CTNNA3: variants seen among roughly 807,000 people sequenced by gnomAD.
The protein encoded by CTNNA3 is catenin alpha 3.
In CTNNA3, 76 loss-of-function variants were observed where a neutral mutation model predicts 95.7. The observed-to-expected ratio is 0.79, with a 90% confidence interval of 0.66 to 0.96. The LOEUF is 0.96. CTNNA3 is among the 40% of genes least tolerant of loss of function. CTNNA3 has a pLI of 0.00. For synonymous variants in CTNNA3, 431 were observed against 374.4 expected (o/e 1.15, Z -1.74); for missense variants, 1,191 against 1,089.8 (o/e 1.09, Z -1.31).
rs1029573129 is a variant in CTNNA3, at chr10:67,716,404, T to A, written c.-2+47030A>T. On this transcript the variant is annotated intron_variant, in intron 1 of 17. Transcript: ENST00000684154. ...TTGTTACATAGGTATATACGTGCCA[T>A]GGTGGTTTGCTGTACCCACCAACCC... Among the ~76,000 whole-genome samples, 7 of 152,140 alleles carry A rather than the reference T, an allele frequency of 4.6e-5. No homozygotes were observed. In the East Asian group the frequency reaches 1.3e-3, roughly 29 times the overall value.
intron 7 of CTNNA3, among the ~76,000 whole-genome samples, chr10:66,916,877 G>A (rs1309117089): frequency 6.6e-6 from 1 of 152,080 alleles, no homozygotes; most frequent in Non-Finnish European, 1.5e-5. Flanking sequence ...CTTTTTAATG[G>A]TGGCCAATGA....
chr10:67,191,856 T>G (rs576170217), intron 6 of CTNNA3, among the ~76,000 whole-genome samples: 80 of 151,976 alleles, frequency 5.3e-4, no homozygotes, highest in Middle Eastern at 6.8e-3. Flanking sequence ...TACAAAGCTA[T>G]AGCAATCAAA....
At chr10:67,207,362 T>A (rs73264204) in intron 6 of CTNNA3, among the ~76,000 whole-genome samples, 7,349 of 152,288 alleles carry the variant, frequency 0.048, 222 homozygotes, top group South Asian at 0.11. Flanking sequence ...CTTAGGTATC[T>A]TATGCACTGT....
intron 11 of CTNNA3, among the ~76,000 whole-genome samples, chr10:66,380,869 C>G (rs7093298): frequency 0.17 from 25,524 of 151,330 alleles, 2,532 homozygotes; most frequent in African/African-American, 0.26. Context: ...TAAATATATA[C>G]GCACCCAATA....
chr10:65,967,966 C>T (rs1017940463), intron 16 of CTNNA3, among the ~76,000 whole-genome samples: 101 of 151,924 alleles, frequency 6.6e-4, no homozygotes, highest in African/African-American at 2.4e-3. Context: ...GAATGAATAT[C>T]AATATAATGT....
intron 9 of CTNNA3, among the ~76,000 whole-genome samples, chr10:66,731,884 C>A (rs780304460): frequency 6.6e-6 from 1 of 152,132 alleles, no homozygotes; most frequent in Non-Finnish European, 1.5e-5. Context: ...TCTGAGCTTT[C>A]CTGCCTGGCT....
At chr10:67,693,654 T>C (rs1840911552) in intron 1 of CTNNA3, among the ~76,000 whole-genome samples, 1 of 152,224 alleles carries the variant, frequency 6.6e-6, no homozygotes, top group Admixed American at 6.5e-5. Flanking sequence ...AGGAAGAATA[T>C]ATTATTTGAT....
chr10:66,460,571 A>T (rs1433077755), intron 11 of CTNNA3, among the ~76,000 whole-genome samples: 1 of 151,972 alleles, frequency 6.6e-6, no homozygotes, highest in Non-Finnish European at 1.5e-5. Context: ...TAGCATGCAC[A>T]TCCCTGCAAG....
At chr10:67,600,413 G>A (rs1843050786) in intron 3 of CTNNA3, among the ~76,000 whole-genome samples, 1 of 151,816 alleles carries the variant, frequency 6.6e-6, no homozygotes, top group Admixed American at 6.6e-5. Context: ...ATTAAAAAAT[G>A]GTTAATATTA....
rs564135270 is a variant in CTNNA3 at position 66,575,130 on chromosome 10, G to A, written c.1374+46562C>T. Among the ~76,000 whole-genome samples the A allele has an allele frequency of 5.9e-5, 9 of 152,208 alleles. 1 individual carries two copies. Among genetic ancestry groups the A allele is most frequent in the East Asian group, 5.8e-4 (3 of 5,180 alleles). ...GAATTTGACTGTAAACCCATGCACCGTCCTAGCCAGTATCTCTTTTCTCCG... is the reference window on the plus strand; with the variant it reads ...GAATTTGACTGTAAACCCATGCACCATCCTAGCCAGTATCTCTTTTCTCCG... On this transcript the variant is annotated intron_variant, in intron 10 of 17. Coordinates refer to ENST00000433211, the MANE Select transcript of CTNNA3 (RefSeq NM_013266.4).
intron 13 of CTNNA3, among the ~76,000 whole-genome samples, chr10:66,280,122 C>CT (rs2091467370): frequency 6.6e-6 from 1 of 151,890 alleles, no homozygotes; most frequent in Non-Finnish European, 1.5e-5. Context: ...AGATTCTTTC[C>CT]TTTTTGTTCA....
At chr10:66,980,782 A>G (rs548735809) in intron 7 of CTNNA3, among the ~76,000 whole-genome samples, 1 of 152,206 alleles carries the variant, frequency 6.6e-6, no homozygotes, top group African/African-American at 2.4e-5. Flanking sequence ...CTTCATGTAC[A>G]AGAGTGTTCA....
intron 7 of CTNNA3, among the ~76,000 whole-genome samples, chr10:66,936,198 G>T (rs781509724): frequency 8.5e-5 from 13 of 152,102 alleles, no homozygotes; most frequent in African/African-American, 2.7e-4. Context: ...ACACACAGAT[G>T]TGTGGAGTCT....
At chr10:67,220,529 C>G (rs1864605849) in intron 5 of CTNNA3, among the ~76,000 whole-genome samples, 1 of 151,874 alleles carries the variant, frequency 6.6e-6, no homozygotes, top group Non-Finnish European at 1.5e-5. Flanking sequence ...ACTAGATGAA[C>G]AAATATACGA....
At chr10:67,671,097 G>T (rs1217669522) in intron 1 of CTNNA3, among the ~76,000 whole-genome samples, 2 of 152,084 alleles carry the variant, frequency 1.3e-5, no homozygotes, top group East Asian at 3.9e-4. Context: ...TCTCTGCTAT[G>T]GAGGCAGGAC....
rs552166383 is a variant in CTNNA3, at chr10:65,918,690, C to T, written c.*1640G>A. ...CCTTCACCTCCTAGGAAGTTTTACA[C>T]TGAGCTCAGGCAATCCAGCTACTTG... On this transcript the variant is annotated 3_prime_UTR_variant, in exon 18 of 18. Coordinates refer to ENST00000433211, the MANE Select transcript of CTNNA3 (RefSeq NM_013266.4). The T allele has an allele frequency of 1.3e-5, 2 of 152,136 alleles. No homozygotes were observed. 9.4% of individuals were successfully genotyped at this position (152,136 alleles called of 1,614,324 possible). A position where few individuals can be genotyped will look rare whatever the true frequency, so the allele number is the denominator to read the frequency against.
intron 13 of CTNNA3, among the ~76,000 whole-genome samples, chr10:66,233,776 T>C (rs542552269): frequency 6.6e-6 from 1 of 152,316 alleles, no homozygotes; most frequent in South Asian, 2.1e-4. Context: ...AAATATGTTA[T>C]ACTTGATGAT....
intron 11 of CTNNA3, among the ~76,000 whole-genome samples, chr10:66,484,383 C>T (rs1448829504): frequency 6.6e-6 from 1 of 151,634 alleles, no homozygotes; most frequent in African/African-American, 2.4e-5. Context: ...TAAGTGAATG[C>T]ATTGGTTTAC....
At chr10:66,041,030 A>G (rs2079675924) in intron 15 of CTNNA3, among the ~76,000 whole-genome samples, 1 of 152,198 alleles carries the variant, frequency 6.6e-6, no homozygotes, top group African/African-American at 2.4e-5. Context: ...GCCAGCAGAC[A>G]CCACCTTAAC....
Sources: gnomAD v4.1 joint callset for allele counts (sites outside exome capture counted in the v4.1 genomes callset) on GRCh38, gnomAD v4.1.1 for gene constraint, MANE v1.5 for transcripts, NCBI Gene and HGNC (gene_info 2026-07-23, HGNC 2026-07-21) for gene names.